Variants in CAMTA1 observed in about 807,000 individuals in gnomAD.
CAMTA1 encodes the protein calmodulin binding transcription activator 1.
Under a neutral mutation model 170.9 loss-of-function variants are expected in CAMTA1, and 27 were observed. That is an observed-to-expected ratio of 0.16 (90% CI 0.12 to 0.22). The LOEUF is 0.22. CAMTA1 is among the 10% of genes least tolerant of loss of function. CAMTA1 has a pLI of 1.00. For missense variants in CAMTA1, 1,619 were observed against 2,217.2 expected (o/e 0.73, Z 5.42); for synonymous variants, 833 against 891.5 (o/e 0.93, Z 1.17).
chr1:7,536,539 C>T (rs913992166), intron 6 of CAMTA1, among the ~76,000 whole-genome samples: 1 of 152,166 alleles, frequency 6.6e-6, no homozygotes, highest in African/African-American at 2.4e-5. Flanking sequence ...TTTACTGGAG[C>T]TGGGCAGGCC....
chr1:6,888,317 G>T, intron 3 of CAMTA1: 1 of 922,032 alleles, frequency 1.1e-6, no homozygotes, highest in Non-Finnish European at 1.3e-6. Flanking sequence ...TAAAGCTTTT[G>T]TTGTGATTGA....
chr1:7,655,688 TAC>T (rs775140289), intron 7 of CAMTA1, among the ~76,000 whole-genome samples: 48 of 148,940 alleles, frequency 3.2e-4, no homozygotes, highest in East Asian at 5.9e-4. Context: ...TACACACCTA[TAC>T]ACACACACCT....
At chr1:7,240,909 T>A (rs1664747652) in intron 4 of CAMTA1, among the ~76,000 whole-genome samples, 1 of 152,156 alleles carries the variant, frequency 6.6e-6, no homozygotes, top group Non-Finnish European at 1.5e-5. Flanking sequence ...GGGCAAAGTG[T>A]TGATTCTCAC....
chr1:7,458,454 G>A (rs1461188756), intron 5 of CAMTA1, among the ~76,000 whole-genome samples: 1 of 152,128 alleles, frequency 6.6e-6, no homozygotes, highest in Non-Finnish European at 1.5e-5. Flanking sequence ...GTCCACTATG[G>A]CAGAAAGAGT....
intron 6 of CAMTA1, among the ~76,000 whole-genome samples, chr1:7,583,579 C>T (rs932760744): frequency 6.6e-6 from 1 of 152,120 alleles, no homozygotes; most frequent in Non-Finnish European, 1.5e-5. Context: ...GCAGTCTTCC[C>T]CTGTGTGGAA....
chr1:6,881,946 G>A (rs1444149992), intron 3 of CAMTA1, among the ~76,000 whole-genome samples: 1 of 152,050 alleles, frequency 6.6e-6, no homozygotes, highest in Non-Finnish European at 1.5e-5. Context: ...CAGCCTGGGA[G>A]ACAGTGTGAG....
intron 9 of CAMTA1, among the ~76,000 whole-genome samples, chr1:7,670,245 C>T (rs570736973): frequency 2.6e-5 from 4 of 152,320 alleles, no homozygotes; most frequent in African/African-American, 7.2e-5. Flanking sequence ...TGCTCAGCCC[C>T]GTTCCACTCC....
At chr1:7,177,682 A>G (rs2148866362) in intron 4 of CAMTA1, among the ~76,000 whole-genome samples, 1 of 148,516 alleles carries the variant, frequency 6.7e-6, no homozygotes. Flanking sequence ...AACCCTGCCC[A>G]TATACCAGTA....
At chr1:7,536,072 A>G (rs1052932950) in intron 6 of CAMTA1, among the ~76,000 whole-genome samples, 6 of 152,178 alleles carry the variant, frequency 3.9e-5, no homozygotes, top group Admixed American at 3.3e-4. Flanking sequence ...TCCTCGTGGC[A>G]TTAAACTAAA....
rs1699102830 is a variant in CAMTA1 at position 7,007,020 on chromosome 1, A to AAAC, written c.235-84282_235-84281insCAA. On this transcript the variant is annotated intron_variant, in intron 3 of 22. Coordinates refer to ENST00000303635, the MANE Select transcript of CAMTA1 (RefSeq NM_015215.4). This position sits in a 1 kb window ranked among gnomAD's most constrained non-coding sequence, Gnocchi z 4.5. ...AGATGGTAGTAAAAAAAAAAAAAAA[A>AAAC]AATAAGAATTTTTGGATACGGTATT... is the stretch of plus-strand genomic sequence containing the variant. 6.7e-6 allele frequency among the ~76,000 whole-genome samples: 1 copy of AAAC among 150,354 alleles called. No individual in the cohort carries two copies.
chr1:7,375,619 C>T (rs1047254637), intron 5 of CAMTA1, among the ~76,000 whole-genome samples: 2 of 152,222 alleles, frequency 1.3e-5, no homozygotes, highest in African/African-American at 4.8e-5. Flanking sequence ...TCTGGAGCAG[C>T]AACAGGCCGG....
chr1:6,818,165 C>T (rs778221861), intron 1 of CAMTA1, among the ~76,000 whole-genome samples: 7 of 152,056 alleles, frequency 4.6e-5, no homozygotes, highest in Non-Finnish European at 1.0e-4. Context: ...GGTGAAACCC[C>T]ATCTCTACTA....
intron 4 of CAMTA1, among the ~76,000 whole-genome samples, chr1:7,103,599 A>G (rs1338471022): frequency 4.3e-5 from 6 of 140,494 alleles, no homozygotes; most frequent in East Asian, 2.1e-4. Context: ...CACAACACAC[A>G]TGTACACAAC....
At chr1:7,080,861 A>G (rs1639907973) in intron 3 of CAMTA1, among the ~76,000 whole-genome samples, 1 of 152,250 alleles carries the variant, frequency 6.6e-6, no homozygotes, top group South Asian at 2.1e-4. Context: ...AGGGTGGTTG[A>G]TTACTAATGG....
At position 7,256,525 on chromosome 1, in the gene CAMTA1, A is replaced by T. The variant is rs184540891; in HGVS notation, c.438+6899A>T. 3.8e-3 allele frequency among the ~76,000 whole-genome samples: 580 copies of T among 152,300 alleles called. 3 individuals carry two copies. Among genetic ancestry groups the T allele is most frequent in the African/African-American group, 0.013 (561 of 41,564 alleles). ...CAGTGAGCTGAGATCGCGCCACTGC[A>T]CTCCAGCCTGGGCGACAGCGAGACT... On this transcript the variant is annotated intron_variant, in intron 5 of 22. Coordinates refer to ENST00000303635, the MANE Select transcript of CAMTA1 (RefSeq NM_015215.4).
chr1:7,705,370 C>T (rs553343124), intron 11 of CAMTA1, among the ~76,000 whole-genome samples: 86 of 148,394 alleles, frequency 5.8e-4, no homozygotes, highest in African/African-American at 2.0e-3. Context: ...GTGAGGGGCG[C>T]GCGTGTTTGT....
intron 3 of CAMTA1, among the ~76,000 whole-genome samples, chr1:6,867,290 A>G (rs1255791935): frequency 1.3e-5 from 2 of 152,178 alleles, no homozygotes; most frequent in East Asian, 3.8e-4. Flanking sequence ...TGAGGATAAA[A>G]TACTAGGTAG....
In CAMTA1 at chr1:7,426,859, T is replaced by C. The variant is rs2091897674; in HGVS notation, c.439-40971T>C. On this transcript the variant is annotated intron_variant, in intron 5 of 22. Transcript: ENST00000303635. The surrounding 1 kb of genome is among the most constrained non-coding windows in gnomAD (Gnocchi z 4.8). The stretch of plus-strand genomic sequence containing the variant: ...GTTAAAAAGACCTGAACGGCTGTCC[T>C]CCTGGGAGTCAGGTTGAGATGAAAT... Among the ~76,000 whole-genome samples, 1 of 152,220 alleles carries C rather than the reference T, an allele frequency of 6.6e-6. No homozygotes were observed. Among genetic ancestry groups the C allele is most frequent in the Non-Finnish European group, 1.5e-5 (1 of 68,042 alleles).
intron 4 of CAMTA1, among the ~76,000 whole-genome samples, chr1:7,232,325 G>A (rs1298024244): frequency 2.0e-5 from 3 of 152,156 alleles, no homozygotes; most frequent in South Asian, 2.1e-4. Flanking sequence ...GCCGGCTCTC[G>A]CTTCCCCGGA....
Sources: allele counts gnomAD v4.1 joint callset (sites outside exome capture counted in the v4.1 genomes callset), GRCh38; gene constraint gnomAD v4.1.1; non-coding constraint Gnocchi (gnomAD v3.1); transcripts MANE v1.5; gene names NCBI Gene and HGNC (gene_info 2026-07-23, HGNC 2026-07-21).